Variants in CDK17 observed in about 807,000 individuals in gnomAD.
CDK17 encodes cyclin dependent kinase 17.
Under a neutral mutation model 77.6 loss-of-function variants are expected in CDK17, and 24 were observed. The ratio of observed to expected loss-of-function variants is 0.31; its 90% CI spans 0.22 to 0.44. The LOEUF (loss-of-function observed/expected upper bound fraction) is 0.44. CDK17 is among the 20% of genes least tolerant of loss of function. The pLI, the probability that CDK17 is intolerant of heterozygous loss-of-function variation, is 1.00. For missense variants in CDK17, 429 were observed against 622.5 expected (o/e 0.69, Z 3.31); for synonymous variants, 203 against 210.4 (o/e 0.96, Z 0.30).
intron 11 of CDK17, among the ~76,000 whole-genome samples, chr12:96,288,133 T>C (rs1952270128): frequency 6.6e-6 from 1 of 152,196 alleles, no homozygotes; most frequent in Non-Finnish European, 1.5e-5. Flanking sequence ...ACAATATAAA[T>C]GTACTTAATG....
rs928161263 is a variant in CDK17 at position 96,388,019 on chromosome 12, T to C, written c.-30+11967A>G. ...GTGTGGCAGCTCACGCCTGTAACCC[T>C]AGCAGTTTGGGAGGCCAAGGTGGGA... On this transcript the variant is annotated intron_variant, in intron 1 of 16. Coordinates refer to ENST00000261211, the MANE Select transcript of CDK17 (RefSeq NM_002595.5). Among the ~76,000 whole-genome samples the C allele has an allele frequency of 2.7e-5, 4 of 150,404 alleles. No individual in the cohort carries two copies. The South Asian group carries it at 8.4e-4, about 32-fold the overall frequency.
At chr12:96,390,857 C>G (rs1415329052) in intron 1 of CDK17, among the ~76,000 whole-genome samples, 1 of 151,716 alleles carries the variant, frequency 6.6e-6, no homozygotes, top group Non-Finnish European at 1.5e-5. Flanking sequence ...AATCCCAACA[C>G]TTTGGGTGGC....
At chr12:96,342,739 C>T (rs944840165) in intron 1 of CDK17, among the ~76,000 whole-genome samples, 3 of 152,036 alleles carry the variant, frequency 2.0e-5, no homozygotes, top group South Asian at 2.1e-4. Flanking sequence ...CCAAGGCAGG[C>T]GGATCACCTG....
At chr12:96,324,322 T>C (rs1290458238) in intron 2 of CDK17, among the ~76,000 whole-genome samples, 1 of 152,238 alleles carries the variant, frequency 6.6e-6, no homozygotes, top group Non-Finnish European at 1.5e-5. Flanking sequence ...GTTGGTCTAA[T>C]AACCATCTAT....
chr12:96,281,525 C>T (rs565367008), intron 15 of CDK17, among the ~76,000 whole-genome samples: 6 of 152,278 alleles, frequency 3.9e-5, no homozygotes, highest in East Asian at 1.9e-4. Context: ...CGCGCCACCA[C>T]GCCCAGCTAA....
In CDK17 at chr12:96,365,642, A is replaced by C. The variant is rs540544197; in HGVS notation, c.-29-30777T>G. Among the ~76,000 whole-genome samples the C allele has an allele frequency of 2.0e-5, 3 of 152,408 alleles. No homozygotes were observed. The South Asian group carries it at 6.2e-4, about 32-fold the overall frequency. ...AAAGCAATTTTAGCAATATCAAATTATATGAAAGTTAACAAATTTCACTTA... is the reference window on the plus strand; with the variant it reads ...AAAGCAATTTTAGCAATATCAAATTCTATGAAAGTTAACAAATTTCACTTA... On this transcript the variant is annotated intron_variant, in intron 1 of 16. Coordinates refer to ENST00000261211, the MANE Select transcript of CDK17 (RefSeq NM_002595.5).
intron 1 of CDK17, among the ~76,000 whole-genome samples, chr12:96,368,806 C>CA (rs1491120801): frequency 1.5e-5 from 1 of 67,582 alleles, no homozygotes; most frequent in African/African-American, 5.1e-5. Context: ...TACTCTAAGA[C>CA]GGGGGGGGGG....
chr12:96,319,047 G>A lies in CDK17; in HGVS notation c.283+4901C>T, dbSNP rs752710088. 8.0e-3 allele frequency among the ~76,000 whole-genome samples: 1,156 copies of A among 145,218 alleles called. 20 individuals are homozygous for A. Among genetic ancestry groups the A allele is most frequent in the Admixed American group, 0.048 (673 of 14,128 alleles). ...AAAGGATCAACAAAATTGATAGACC[G>A]CTAGCAAGACTAATAAAGAAAAAAA... On this transcript the variant is annotated intron_variant, in intron 3 of 16. Transcript: ENST00000261211.
intron 1 of CDK17, among the ~76,000 whole-genome samples, chr12:96,390,191 G>A (rs112575345): frequency 0.051 from 6,853 of 135,662 alleles, 220 homozygotes; most frequent in Middle Eastern, 0.063. Context: ...TTGCTCTGTC[G>A]CCCAGGCTGG....
chr12:96,326,255 C>T (rs1421284756), intron 2 of CDK17, among the ~76,000 whole-genome samples: 3 of 152,090 alleles, frequency 2.0e-5, no homozygotes, highest in African/African-American at 7.2e-5. Context: ...ATTCTAGGCA[C>T]TGGGCATCAA....
chr12:96,378,533 A>G (rs1953824485), intron 1 of CDK17, among the ~76,000 whole-genome samples: 1 of 152,252 alleles, frequency 6.6e-6, no homozygotes, highest in East Asian at 1.9e-4. Context: ...ATGGTGTTAG[A>G]AACCAAGATC....
chr12:96,322,786 A>G (rs939326203), intron 3 of CDK17, among the ~76,000 whole-genome samples: 4 of 152,322 alleles, frequency 2.6e-5, no homozygotes, highest in Non-Finnish European at 5.9e-5. Context: ...AATTTAGTTT[A>G]CCTATTTGTA....
chr12:96,349,361 G>A (rs1021219106), intron 1 of CDK17, among the ~76,000 whole-genome samples: 1 of 152,016 alleles, frequency 6.6e-6, no homozygotes, highest in African/African-American at 2.4e-5. Context: ...GTTGAGGCGG[G>A]AGAATCGCTT....
At chr12:96,350,767 C>T (rs1331267694) in intron 1 of CDK17, among the ~76,000 whole-genome samples, 1 of 151,994 alleles carries the variant, frequency 6.6e-6, no homozygotes, top group Admixed American at 6.5e-5. Context: ...CTGTAAAACT[C>T]TTAGAAGAAA....
chr12:96,313,343 A>G lies in CDK17; in HGVS notation c.395T>C (p.Ile132Thr), dbSNP rs757610537. ...SPTGVCLRNRIHRRISMEDLN... is the reference protein window; with the variant it reads ...SPTGVCLRNRTHRRISMEDLN... ...TACCTCCATTGAGATCCGTCTATGT[A>G]TACGATTTCTGAGACAAACACCTGT... The change falls in exon 4 of 17, where the codon ATA becomes ACA. Residue 132 changes from isoleucine to threonine, a missense_variant. By Grantham distance (89) the Ile-to-Thr change is moderately conservative. Transcript: ENST00000261211. The G allele has an allele frequency of 2.5e-6, 4 of 1,591,578 alleles. No individual in the cohort carries two copies. Among genetic ancestry groups the G allele is most frequent in the Non-Finnish European group, 3.4e-6 (4 of 1,172,200 alleles).
chr12:96,330,557 T>A (rs1952952441), intron 2 of CDK17, among the ~76,000 whole-genome samples: 2 of 152,144 alleles, frequency 1.3e-5, no homozygotes, highest in Admixed American at 1.3e-4. Context: ...TGGGAACCAC[T>A]CATCTACTTT....
chr12:96,325,035 T>C (rs983535582), intron 2 of CDK17, among the ~76,000 whole-genome samples: 6 of 152,298 alleles, frequency 3.9e-5, no homozygotes, highest in South Asian at 2.1e-4. Context: ...TATTTAATTA[T>C]GCATGGGGGA....
chr12:96,289,118 T>C, intron 11 of CDK17, 49 bp downstream of exon 11: 1 of 1,584,810 alleles, frequency 6.3e-7, no homozygotes, highest in African/African-American at 1.3e-5. Flanking sequence ...GCATTAACAG[T>C]TACATTCTTT....
intron 1 of CDK17, among the ~76,000 whole-genome samples, chr12:96,397,768 G>A (rs1247113663): frequency 1.3e-5 from 2 of 152,032 alleles, no homozygotes; most frequent in Non-Finnish European, 1.5e-5. Context: ...AAAAATCAAT[G>A]GAGCCTCAAT....
Sources: allele counts gnomAD v4.1 joint callset (sites outside exome capture counted in the v4.1 genomes callset), GRCh38; gene constraint gnomAD v4.1.1; transcripts MANE v1.5; gene names NCBI Gene and HGNC (gene_info 2026-07-23, HGNC 2026-07-21).